The following RANBP2 variants were observed in gnomAD, a reference collection of about 807,000 sequenced individuals.
RANBP2 encodes RAN binding protein 2.
In RANBP2, 57 loss-of-function variants were observed where a neutral mutation model predicts 303.6. The observed-to-expected ratio is 0.19, with a 90% CI of 0.15 to 0.23. RANBP2 has a LOEUF of 0.23. RANBP2 is among the 10% of genes least tolerant of loss of function. The pLI is 1.00. For missense variants in RANBP2, 3,138 were observed against 3,780.8 expected (o/e 0.83, Z 4.46); for synonymous variants, 1,167 against 1,301.5 (o/e 0.90, Z 2.23).
the RANBP2 span, among the ~76,000 whole-genome samples, chr2:109,472,329 C>T: frequency 6.6e-6 from 1 of 152,148 alleles, no homozygotes; most frequent in South Asian, 2.1e-4. Context: ...CCCTCCTCAC[C>T]TGCACTCTCG....
the RANBP2 span, among the ~76,000 whole-genome samples, chr2:109,762,350 C>A: frequency 6.7e-6 from 1 of 150,200 alleles, no homozygotes; most frequent in African/African-American, 2.4e-5. Context: ...TGGTTTCTGG[C>A]GCAAATTCAA....
At chr2:109,628,691 T>C in the RANBP2 span, among the ~76,000 whole-genome samples, 1 of 152,128 alleles carries the variant, frequency 6.6e-6, no homozygotes, top group Non-Finnish European at 1.5e-5. Context: ...CTCTGCTTGC[T>C]TATGTATATT....
the RANBP2 span, among the ~76,000 whole-genome samples, chr2:109,380,786 C>T: frequency 6.6e-6 from 1 of 152,160 alleles, no homozygotes; most frequent in Non-Finnish European, 1.5e-5. Flanking sequence ...CACCAGGTGC[C>T]CCCCACCACC....
At chr2:108,852,168 CAAATGAGGA>C in the RANBP2 span, among the ~76,000 whole-genome samples, 1 of 152,072 alleles carries the variant, frequency 6.6e-6, no homozygotes, top group Non-Finnish European at 1.5e-5. Flanking sequence ...TGTAATTTTA[CAAATGAGGA>C]AATTGAGGCA....
the RANBP2 span, among the ~76,000 whole-genome samples, chr2:109,066,702 G>T: frequency 1.3e-5 from 2 of 152,188 alleles, no homozygotes; most frequent in African/African-American, 4.8e-5. Flanking sequence ...AAGTAATCAT[G>T]TTGCATGTAG....
chr2:109,413,133 G>C, the RANBP2 span, among the ~76,000 whole-genome samples: 1 of 152,102 alleles, frequency 6.6e-6, no homozygotes, highest in Non-Finnish European at 1.5e-5. Flanking sequence ...TATATTTTTT[G>C]AGATAGAGTC....
chr2:108,728,520 C>A (rs1208257319), intron 1 of RANBP2, among the ~76,000 whole-genome samples: 1 of 151,884 alleles, frequency 6.6e-6, no homozygotes, highest in Non-Finnish European at 1.5e-5. Context: ...AAACTCTTGG[C>A]CTCAAAGCTA....
At chr2:109,613,706 G>C in the RANBP2 span, 5 of 880,070 alleles carry the variant, frequency 5.7e-6, no homozygotes, top group East Asian at 3.6e-5. Flanking sequence ...TCACAATCCC[G>C]GGCCGGACCA....
At chr2:108,842,945 A>G in the RANBP2 span, among the ~76,000 whole-genome samples, 4 of 152,222 alleles carry the variant, frequency 2.6e-5, no homozygotes, top group South Asian at 2.1e-4. Flanking sequence ...CCTTTTCTGT[A>G]TACGCTTAGA....
the RANBP2 span, among the ~76,000 whole-genome samples, chr2:108,814,207 GAGTGTAATGATACACTCCCATTAAC>G: frequency 6.6e-6 from 1 of 152,148 alleles, no homozygotes; most frequent in Admixed American, 6.5e-5. Flanking sequence ...GTACAAATGG[GAGTGTAATGATACACTCCCATTAAC>G]AGTGTATCAA....
At chr2:109,212,968 C>T in the RANBP2 span, among the ~76,000 whole-genome samples, 1 of 152,108 alleles carries the variant, frequency 6.6e-6, no homozygotes, top group African/African-American at 2.4e-5. Flanking sequence ...CAGATGCTGC[C>T]CACACATCCC....
At chr2:108,862,485 T>C in the RANBP2 span, among the ~76,000 whole-genome samples, 1 of 152,186 alleles carries the variant, frequency 6.6e-6, no homozygotes, top group Non-Finnish European at 1.5e-5. Flanking sequence ...ACCTGTATAA[T>C]GTGGTGATTA....
At chr2:109,511,298 C>T in the RANBP2 span, among the ~76,000 whole-genome samples, 2 of 152,220 alleles carry the variant, frequency 1.3e-5, no homozygotes, top group African/African-American at 4.8e-5. Flanking sequence ...AATGAGGTCC[C>T]ACAGCCACAA....
chr2:109,136,154 A>G, the RANBP2 span, among the ~76,000 whole-genome samples: 2 of 152,048 alleles, frequency 1.3e-5, no homozygotes, highest in African/African-American at 4.8e-5. Flanking sequence ...AATTGTTTCT[A>G]GTGTGCATTT....
At chr2:108,930,115 C>T in the RANBP2 span, 1 of 1,613,028 alleles carries the variant, frequency 6.2e-7, no homozygotes. Flanking sequence ...GGGCTGGGTC[C>T]TTACCAGGTA....
the RANBP2 span, among the ~76,000 whole-genome samples, chr2:109,027,845 C>T: frequency 6.6e-6 from 1 of 152,208 alleles, no homozygotes; most frequent in South Asian, 2.1e-4. Context: ...GAGTCCCTGC[C>T]AGTCCCCTAC....
chr2:108,952,479 C>T, the RANBP2 span, among the ~76,000 whole-genome samples: 3 of 152,214 alleles, frequency 2.0e-5, no homozygotes. Flanking sequence ...CTGCTTCTCT[C>T]TTCTACAGCC....
At chr2:108,808,179 A>G in the RANBP2 span, among the ~76,000 whole-genome samples, 1 of 152,130 alleles carries the variant, frequency 6.6e-6, no homozygotes, top group African/African-American at 2.4e-5. Context: ...GCTGAACAGT[A>G]TTTCATTGTG....
chr2:109,683,246 T>A, the RANBP2 span, among the ~76,000 whole-genome samples: 1 of 152,112 alleles, frequency 6.6e-6, no homozygotes, highest in African/African-American at 2.4e-5. Context: ...CCTCAGGTGG[T>A]CCGCCTGCCT....
Sources: gnomAD v4.1 joint callset for allele counts (sites outside exome capture counted in the v4.1 genomes callset) on GRCh38, gnomAD v4.1.1 for gene constraint, MANE v1.5 for transcripts, NCBI Gene and HGNC (gene_info 2026-07-23, HGNC 2026-07-21) for gene names.